CAMK2A: variants seen among roughly 807,000 people sequenced by gnomAD.
CAMK2A encodes calcium/calmodulin-dependent protein kinase type II subunit alpha.
In CAMK2A, 7 loss-of-function variants were observed where a neutral mutation model predicts 79.2. The observed-to-expected ratio is 0.09, with a 90% CI of 0.05 to 0.17. The LOEUF is 0.17. Among genes scored for constraint, CAMK2A ranks in the 10% least tolerant of loss-of-function variants. CAMK2A has a pLI of 1.00. For synonymous variants in CAMK2A, 242 were observed against 251.7 expected (o/e 0.96, Z 0.36); for missense variants, 214 against 646.4 (o/e 0.33, Z 7.25).
chr5:150,283,820 C>A (rs1469019874), intron 1 of CAMK2A, among the ~76,000 whole-genome samples: 1 of 145,490 alleles, frequency 6.9e-6, no homozygotes, highest in Non-Finnish European at 1.5e-5. Context: ...GAACAGAGTA[C>A]CCCGCCCAGG....
rs185984078 is a variant in CAMK2A, at chr5:150,285,637, C to T, written c.62+3927G>A. 9.8e-5 allele frequency among the ~76,000 whole-genome samples: 15 copies of T among 152,314 alleles called. No individual in the cohort carries two copies. In the East Asian group the frequency reaches 2.9e-3, roughly 29 times the overall value. On this transcript the variant is annotated intron_variant, in intron 1 of 18. Coordinates refer to ENST00000671881, the MANE Select transcript of CAMK2A (RefSeq NM_015981.4). Reference sequence around the variant, plus strand: ...GGTCGAGGAAGCTGCCCTCTCCTCCCTGTCAACCATGCTGGCCAACTGCAG... The same window carrying T: ...GGTCGAGGAAGCTGCCCTCTCCTCCTTGTCAACCATGCTGGCCAACTGCAG...
intron 15 of CAMK2A, among the ~76,000 whole-genome samples, chr5:150,233,010 A>G (rs1244445500): frequency 6.6e-6 from 1 of 152,174 alleles, no homozygotes; most frequent in African/African-American, 2.4e-5. Flanking sequence ...CTGTCCTAAC[A>G]CTAACCTCAC....
intron 17 of CAMK2A, 64 bp downstream of exon 17, chr5:150,228,128 G>T: frequency 1.5e-6 from 2 of 1,374,348 alleles, no homozygotes; most frequent in South Asian, 1.2e-5. Context: ...ACCCTGCTGT[G>T]CCATCCAGCA....
chr5:150,289,524 G>A (rs747776420), intron 1 of CAMK2A, 40 bp downstream of exon 1: 30 of 1,537,480 alleles, frequency 2.0e-5, no homozygotes, highest in Admixed American at 1.0e-4. Flanking sequence ...TGACCTCCCC[G>A]CCCCCCATGC....
intron 13 of CAMK2A, 54 bp downstream of exon 13, chr5:150,245,107 G>C (rs1755506394): frequency 6.4e-7 from 1 of 1,570,516 alleles, no homozygotes; most frequent in African/African-American, 1.3e-5. Context: ...GCCGGTCTCT[G>C]TTGGCAGAAA....
intron 12 of CAMK2A, chr5:150,245,432 G>A (rs1187198532): frequency 4.7e-5 from 27 of 570,106 alleles, no homozygotes; most frequent in Non-Finnish European, 7.2e-5. Flanking sequence ...AATCTCAAGC[G>A]TAACCCTCTG....
In CAMK2A at chr5:150,223,086, T is replaced by G. The variant is rs1456960358; in HGVS notation, c.1369A>C (p.Thr457Pro). ...ACACGGGTCTCCTCCGACTGGGCGG[T>G]GCGTGGGATGCCGCCAGCGTCCAGG... is the stretch of plus-strand genomic sequence containing the variant. ...QYLDAGGIPR[T>P]AQSEETRVWH... Residue 457 changes from threonine to proline, a missense_variant, in exon 18 of 19, where the codon ACC becomes CCC. Coordinates refer to ENST00000671881, the MANE Select transcript of CAMK2A (RefSeq NM_015981.4). This position sits in a 1 kb window ranked among gnomAD's most constrained non-coding sequence, Gnocchi z 4.1. 1 of 1,614,096 alleles carries G rather than the reference T, an allele frequency of 6.2e-7. No homozygotes were observed. The highest frequency in any genetic ancestry group is 8.5e-7 in the Non-Finnish European group (1 of 1,180,042).
Position 150,253,549 on chromosome 5 carries a change from T to G in CAMK2A, c.412-3A>C. 1 of 1,612,708 alleles carries G rather than the reference T, an allele frequency of 6.2e-7. No homozygotes were observed. Among genetic ancestry groups the G allele is most frequent in the Non-Finnish European group, 8.5e-7 (1 of 1,178,654 alleles). On this transcript the variant is annotated splice_region_variant and splice_polypyrimidine_tract_variant and intron_variant, in intron 6 of 18. Coordinates refer to ENST00000671881, the MANE Select transcript of CAMK2A (RefSeq NM_015981.4). ...GAGGCCAGCAACAGATTCTCAGGCTTGTCAGGACCAGAGAAGAGGGAGGAA... is the reference window on the plus strand; with the variant it reads ...GAGGCCAGCAACAGATTCTCAGGCTGGTCAGGACCAGAGAAGAGGGAGGAA...
At position 150,238,732 on chromosome 5, in the gene CAMK2A, G is replaced by A. The variant is rs1287488367; in HGVS notation, c.1034C>T (p.Thr345Ile). ...GTCTTCATCCTCGATGGTGGTGTTG[G>A]TGCTCTCTGAGGATTCCTGCCAAAG... The part of the protein sequence containing the change: ...SVQLMESSES[T>I]NTTIEDEDTK... The change falls in exon 15 of 19, where the codon ACC (threonine) becomes ATC (isoleucine). Residue 345 changes from threonine to isoleucine, a missense_variant. Around this residue, in one of 4 missense-constraint regions of CAMK2A, gnomAD observed 123 missense variants for 242.4 expected, o/e 0.51. Coordinates refer to ENST00000671881, the MANE Select transcript of CAMK2A (RefSeq NM_015981.4). The A allele has an allele frequency of 6.2e-7, 1 of 1,608,314 alleles. No individual in the cohort carries two copies. The highest frequency in any genetic ancestry group is 1.3e-5 in the African/African-American group (1 of 74,836).
chr5:150,268,212 T>C (rs1346643027), intron 2 of CAMK2A, among the ~76,000 whole-genome samples: 1 of 152,120 alleles, frequency 6.6e-6, no homozygotes, highest in Non-Finnish European at 1.5e-5. Flanking sequence ...TGTCCCTCCT[T>C]GGCTTCCAAC....
At chr5:150,235,510 G>A (rs113932597) in intron 15 of CAMK2A, among the ~76,000 whole-genome samples, 41 of 152,342 alleles carry the variant, frequency 2.7e-4, no homozygotes, top group African/African-American at 9.4e-4. Flanking sequence ...AGACTGAAAC[G>A]GGATCAGCAT....
intron 17 of CAMK2A, among the ~76,000 whole-genome samples, chr5:150,226,748 G>T (rs1271425674): frequency 9.3e-5 from 13 of 140,220 alleles, no homozygotes; most frequent in Non-Finnish European, 1.9e-4. Context: ...AAAAAAAGGG[G>T]GGGGGGGGAT....
chr5:150,266,707 T>C (rs951844382), intron 2 of CAMK2A, among the ~76,000 whole-genome samples: 3 of 152,080 alleles, frequency 2.0e-5, no homozygotes, highest in Non-Finnish European at 4.4e-5. Flanking sequence ...GCTATACTGT[T>C]CTCTGTGCCC....
At chr5:150,260,407 C>T (rs972535309) in intron 3 of CAMK2A, among the ~76,000 whole-genome samples, 1 of 148,218 alleles carries the variant, frequency 6.7e-6, no homozygotes, top group Non-Finnish European at 1.5e-5. Flanking sequence ...TGCAGTGAGT[C>T]GAGATCACGC....
intron 2 of CAMK2A, among the ~76,000 whole-genome samples, chr5:150,268,955 G>A (rs974154942): frequency 4.0e-5 from 6 of 151,820 alleles, no homozygotes; most frequent in Admixed American, 1.3e-4. Flanking sequence ...AATAGAGATG[G>A]GGGTCTCACC....
chr5:150,262,687 A>T (rs867819462), intron 3 of CAMK2A, among the ~76,000 whole-genome samples: 1 of 152,208 alleles, frequency 6.6e-6, no homozygotes, highest in Non-Finnish European at 1.5e-5. Flanking sequence ...AGCTTTTACC[A>T]CACACTAGGC....
At chr5:150,237,432 T>C (rs1755132862) in intron 15 of CAMK2A, among the ~76,000 whole-genome samples, 1 of 151,886 alleles carries the variant, frequency 6.6e-6, no homozygotes, top group Non-Finnish European at 1.5e-5. Flanking sequence ...TGTGAACCAC[T>C]GAGCTCCCTG....
intron 15 of CAMK2A, among the ~76,000 whole-genome samples, chr5:150,237,710 C>T (rs760454596): frequency 3.9e-5 from 6 of 152,236 alleles, no homozygotes; most frequent in African/African-American, 7.2e-5. Flanking sequence ...GAATGAGGTT[C>T]ACAGCAGCAC....
At chr5:150,258,797 G>A (rs4958445) in intron 3 of CAMK2A, among the ~76,000 whole-genome samples, 34,944 of 152,124 alleles carry the variant, frequency 0.23, 4,707 homozygotes, top group South Asian at 0.43. Flanking sequence ...AAAATTTGGA[G>A]AGAGGCAGGC....
Sources: allele counts gnomAD v4.1 joint callset (sites outside exome capture counted in the v4.1 genomes callset), GRCh38; gene constraint gnomAD v4.1.1; regional missense constraint gnomAD v4.1.1; non-coding constraint Gnocchi (gnomAD v3.1); transcripts MANE v1.5; gene names NCBI Gene and HGNC (gene_info 2026-07-23, HGNC 2026-07-21).